The following RETREG1 variants were observed in gnomAD, a reference collection of about 807,000 sequenced individuals.
RETREG1 encodes reticulophagy regulator 1, also known as family with sequence similarity 134 member B.
RETREG1 carries 44 observed loss-of-function variants against 54.8 expected under a neutral mutation model. The ratio of observed to expected loss-of-function variants is 0.80; its 90% CI spans 0.63 to 1.03. RETREG1 has a LOEUF of 1.03. RETREG1 is among the 50% of genes least tolerant of loss of function. RETREG1 has a pLI of 0.00. For synonymous variants in RETREG1, 217 were observed against 238.5 expected (o/e 0.91, Z 0.83); for missense variants, 554 against 605.1 (o/e 0.92, Z 0.89).
At chr5:16,531,479 C>T (rs771536919) in intron 3 of RETREG1, among the ~76,000 whole-genome samples, 7 of 152,062 alleles carry the variant, frequency 4.6e-5, no homozygotes, top group African/African-American at 1.4e-4. Context: ...TTAAGTCTGG[C>T]GGAGAACACA....
At chr5:16,609,378 G>GT (rs1372535399) in intron 1 of RETREG1, among the ~76,000 whole-genome samples, 1 of 139,180 alleles carries the variant, frequency 7.2e-6, no homozygotes, top group East Asian at 1.9e-4. Context: ...GTATATAACT[G>GT]TAACTGTATA....
intron 3 of RETREG1, among the ~76,000 whole-genome samples, chr5:16,526,665 C>A (rs571973097): frequency 5.9e-5 from 9 of 152,184 alleles, no homozygotes; most frequent in Non-Finnish European, 1.2e-4. Context: ...GTGAGTCCGA[C>A]ACTGTTCTAA....
At position 16,605,175 on chromosome 5, in the gene RETREG1, C is replaced by T. The variant is rs529991741; in HGVS notation, c.320+11477G>A. ...ATGCTTCTCCACTAAAGCTTACAGC[C>T]GGTCTCTGCAGGTGCCTTGTCCTGC... On this transcript the variant is annotated intron_variant, in intron 1 of 8. Coordinates refer to ENST00000306320, the MANE Select transcript of RETREG1 (RefSeq NM_001034850.3). Among the ~76,000 whole-genome samples the T allele has an allele frequency of 1.2e-4, 18 of 152,328 alleles. No homozygotes were observed. The South Asian group carries it at 3.3e-3, about 28-fold the overall frequency.
At chr5:16,506,481 T>G (rs1268212061) in intron 3 of RETREG1, among the ~76,000 whole-genome samples, 2 of 84,906 alleles carry the variant, frequency 2.4e-5, no homozygotes, top group Admixed American at 1.1e-4. Context: ...TTTTTTGTTT[T>G]TTTTTTTTTT....
At chr5:16,492,229 TCACA>T (rs879805653) in intron 3 of RETREG1, among the ~76,000 whole-genome samples, 13 of 110,632 alleles carry the variant, frequency 1.2e-4, no homozygotes, top group Admixed American at 7.8e-4. Flanking sequence ...TCTCTCTCTC[TCACA>T]CACACACACA....
chr5:16,531,688 G>A (rs2126595192), intron 3 of RETREG1, among the ~76,000 whole-genome samples: 1 of 152,240 alleles, frequency 6.6e-6, no homozygotes, highest in East Asian at 1.9e-4. Flanking sequence ...GAAAATTCCA[G>A]GCAGAAGCAA....
At chr5:16,482,496 G>T (rs1204440489) in intron 4 of RETREG1, among the ~76,000 whole-genome samples, 4 of 151,028 alleles carry the variant, frequency 2.6e-5, no homozygotes, top group Admixed American at 2.0e-4. Flanking sequence ...GCATCCAAAT[G>T]CAATACTGCC....
intron 3 of RETREG1, among the ~76,000 whole-genome samples, chr5:16,486,873 C>T (rs972220370): frequency 6.6e-6 from 1 of 152,174 alleles, no homozygotes; most frequent in African/African-American, 2.4e-5. Context: ...CCAAGATCTA[C>T]GCTTAGTGGT....
chr5:16,552,223 C>A (rs543780818), intron 3 of RETREG1, among the ~76,000 whole-genome samples: 2 of 152,226 alleles, frequency 1.3e-5, no homozygotes, highest in Non-Finnish European at 2.9e-5. Context: ...AAGCAGGAAC[C>A]TTTGCCCTCA....
At chr5:16,596,063 CA>C (rs1355344174) in intron 1 of RETREG1, among the ~76,000 whole-genome samples, 4 of 152,204 alleles carry the variant, frequency 2.6e-5, no homozygotes, top group Admixed American at 6.5e-5. Context: ...GTCATAATGT[CA>C]CCAGCTGAGG....
intron 3 of RETREG1, chr5:16,508,750 C>T: frequency 2.0e-6 from 3 of 1,512,874 alleles, no homozygotes. Flanking sequence ...ACGTTCTTTC[C>T]TTTTTGGAAA....
At chr5:16,529,191 C>T (rs1283982747) in intron 3 of RETREG1, among the ~76,000 whole-genome samples, 2 of 152,142 alleles carry the variant, frequency 1.3e-5, no homozygotes, top group African/African-American at 4.8e-5. Context: ...CAAATAAAGT[C>T]TGGGATTCTG....
At chr5:16,608,704 C>G (rs1178635547) in intron 1 of RETREG1, among the ~76,000 whole-genome samples, 1 of 152,146 alleles carries the variant, frequency 6.6e-6, no homozygotes, top group African/African-American at 2.4e-5. Context: ...CTTGACCACA[C>G]TGGGTAGGGA....
chr5:16,517,790 A>AACAT (rs1464961386), intron 3 of RETREG1, among the ~76,000 whole-genome samples: 1 of 152,200 alleles, frequency 6.6e-6, no homozygotes, highest in Non-Finnish European at 1.5e-5. Context: ...ATTACTTGTA[A>AACAT]ACATATTATG....
chr5:16,612,046 G>C (rs1743358014), intron 1 of RETREG1, among the ~76,000 whole-genome samples: 1 of 143,150 alleles, frequency 7.0e-6, no homozygotes, highest in South Asian at 2.2e-4. Flanking sequence ...GTCTGGGAGA[G>C]AGAGAGAGAC....
intron 7 of RETREG1, 54 bp downstream of exon 7, chr5:16,477,980 A>G (rs1247933130): frequency 7.0e-7 from 1 of 1,422,952 alleles, no homozygotes; most frequent in Admixed American, 1.8e-5. Context: ...GTATGCATAC[A>G]TGCATTTACA....
At chr5:16,506,463 C>G (rs961661014) in intron 3 of RETREG1, among the ~76,000 whole-genome samples, 12 of 141,214 alleles carry the variant, frequency 8.5e-5, no homozygotes, top group Admixed American at 1.5e-4. Context: ...CCATTGCAAT[C>G]TTTTTGTTTT....
intron 3 of RETREG1, among the ~76,000 whole-genome samples, chr5:16,498,057 A>T (rs746467374): frequency 2.0e-5 from 3 of 152,244 alleles, no homozygotes; most frequent in Non-Finnish European, 2.9e-5. Context: ...TTTTATAATG[A>T]AGTCTATCTC....
chr5:16,535,907 G>A (rs1741056983), intron 3 of RETREG1, among the ~76,000 whole-genome samples: 1 of 147,644 alleles, frequency 6.8e-6, no homozygotes, highest in African/African-American at 2.5e-5. Flanking sequence ...CCTTCACAAA[G>A]TGGGAGCTGG....
Sources: allele counts gnomAD v4.1 joint callset (sites outside exome capture counted in the v4.1 genomes callset), GRCh38; gene constraint gnomAD v4.1.1; transcripts MANE v1.5; gene names NCBI Gene and HGNC (gene_info 2026-07-23, HGNC 2026-07-21).